The following SCARA3 variants were observed in gnomAD, a reference collection of about 807,000 sequenced individuals.
The protein encoded by SCARA3 is cellular stress response gene protein.
SCARA3 carries 39 observed loss-of-function variants against 47.0 expected under a neutral mutation model. The observed-to-expected ratio is 0.83, with a 90% CI of 0.64 to 1.08. The LOEUF is 1.08. Among genes scored for constraint, SCARA3 ranks in the 50% least tolerant of loss-of-function variants. SCARA3 has a pLI of 0.00. For synonymous variants in SCARA3, 356 were observed against 334.1 expected, an observed-to-expected ratio of 1.07 and a Z score of -0.71; for missense variants, 724 against 792.3, an observed-to-expected ratio of 0.91 and a Z score of 1.04.
intron 5 of SCARA3, among the ~76,000 whole-genome samples, chr8:27,666,686 T>C (rs1320475885): frequency 6.6e-6 from 1 of 152,198 alleles, no homozygotes; most frequent in Non-Finnish European, 1.5e-5. Flanking sequence ...TGTTTTATTT[T>C]CTTCTGTCCT....
At chr8:27,667,546 T>C (rs1309483598) in intron 5 of SCARA3, among the ~76,000 whole-genome samples, 5 of 152,210 alleles carry the variant, frequency 3.3e-5, no homozygotes, top group African/African-American at 1.2e-4. Context: ...CTCTCGGGTC[T>C]GGATTGGAAT....
intron 5 of SCARA3, among the ~76,000 whole-genome samples, chr8:27,665,571 T>A (rs1269183579): frequency 8.5e-5 from 13 of 152,232 alleles, no homozygotes; most frequent in Admixed American, 8.5e-4. Context: ...AGGGTCTCAC[T>A]TTGTTGCCCA....
At chr8:27,651,659 A>AG in intron 3 of SCARA3, 32 bp downstream of exon 3, 1 of 1,610,622 alleles carries the variant, frequency 6.2e-7, no homozygotes, top group Non-Finnish European at 8.5e-7. Context: ...CCCGGGCTGC[A>AG]GGGGGGTGTC....
the SCARA3 span, among the ~76,000 whole-genome samples, chr8:27,690,622 A>T: frequency 6.6e-6 from 1 of 152,248 alleles, no homozygotes; most frequent in Non-Finnish European, 1.5e-5. Flanking sequence ...AAATACATTT[A>T]AAAAGTTAAA....
At chr8:27,638,824 C>A (rs1330729283) in intron 1 of SCARA3, among the ~76,000 whole-genome samples, 26 of 152,196 alleles carry the variant, frequency 1.7e-4, no homozygotes, top group Non-Finnish European at 2.8e-4. Context: ...TAAGGGAGTT[C>A]CCAGCGAGAG....
Position 27,634,159 on chromosome 8 carries a change from C to G in SCARA3, c.-42C>G. 1 of 1,450,636 alleles carries G rather than the reference C, an allele frequency of 6.9e-7. No individual in the cohort carries two copies. The highest frequency in any genetic ancestry group is 9.0e-7 in the Non-Finnish European group (1 of 1,105,954). 89.9% of individuals were successfully genotyped at this position (1,450,636 alleles called of 1,614,324 possible). On this transcript the variant is annotated 5_prime_UTR_variant, in exon 1 of 6. Coordinates refer to ENST00000301904, the MANE Select transcript of SCARA3 (RefSeq NM_016240.3). ...CGCCCGGCTCCACTACAGCTCCAGC[C>G]GCCTGCAGCGGGGCCCTCCTGAGGC...
chr8:27,636,327 C>T lies in SCARA3; in HGVS notation c.7+2120C>T, dbSNP rs375978190. The stretch of plus-strand genomic sequence containing the variant: ...TGGCAGATACCTGTAATTCTAGCTA[C>T]TCCGGAGCCCGAGGAGGGAGGATCG... On this transcript the variant is annotated intron_variant, in intron 1 of 5. Transcript: ENST00000301904. 5.3e-4 allele frequency among the ~76,000 whole-genome samples: 80 copies of T among 152,196 alleles called. 1 individual carries two copies. Among genetic ancestry groups the T allele is most frequent in the Admixed American group, 4.8e-3 (74 of 15,292 alleles).
At chr8:27,699,121 G>A in the SCARA3 span, among the ~76,000 whole-genome samples, 1 of 151,814 alleles carries the variant, frequency 6.6e-6, no homozygotes, top group South Asian at 2.1e-4. Flanking sequence ...GCGGGCGCCT[G>A]TAGTCCCAGC....
chr8:27,659,141 A>C lies in SCARA3; in HGVS notation c.971A>C (p.Asn324Thr). 1 of 1,614,100 alleles carries C rather than the reference A, an allele frequency of 6.2e-7. No individual in the cohort carries two copies. Among genetic ancestry groups the C allele is most frequent in the Non-Finnish European group, 8.5e-7 (1 of 1,180,006 alleles). The change falls in exon 5 of 6, where the codon AAC becomes ACC. Residue 324 changes from asparagine (N) to threonine (T), a missense_variant. Coordinates refer to ENST00000301904, the MANE Select transcript of SCARA3 (RefSeq NM_016240.3). ...TCCTTCCTGGATGACCACGAAGAGA[A>C]CATGCATGATCTTCAGTACCATACC... ...ISSFLDDHEE[N>T]MHDLQYHTHY...
At chr8:27,715,292 C>A in the SCARA3 span, among the ~76,000 whole-genome samples, 146,560 of 152,068 alleles carry the variant, frequency 0.96, 70,754 homozygotes, top group Middle Eastern at 1. This position sits in a 1 kb window ranked among gnomAD's most constrained non-coding sequence, Gnocchi z 4.2. Context: ...TTCATCTTTA[C>A]ATTAATCTGG....
intron 3 of SCARA3, among the ~76,000 whole-genome samples, chr8:27,655,691 A>G (rs1478058997): frequency 6.6e-6 from 1 of 152,192 alleles, no homozygotes; most frequent in Non-Finnish European, 1.5e-5. Flanking sequence ...AGCATTACTT[A>G]TATTTATATA....
At chr8:27,691,502 G>C in the SCARA3 span, among the ~76,000 whole-genome samples, 1 of 151,986 alleles carries the variant, frequency 6.6e-6, no homozygotes, top group Admixed American at 6.5e-5. Flanking sequence ...TATAGTTCAC[G>C]TTGGCAGCCC....
At chr8:27,664,483 C>A (rs1487082153) in intron 5 of SCARA3, among the ~76,000 whole-genome samples, 1 of 152,166 alleles carries the variant, frequency 6.6e-6, no homozygotes, top group Admixed American at 6.5e-5. Context: ...ATCCTGACCC[C>A]TCTCCAATGC....
the SCARA3 span, among the ~76,000 whole-genome samples, chr8:27,731,757 T>C: frequency 1.3e-5 from 2 of 152,146 alleles, no homozygotes; most frequent in South Asian, 4.1e-4. Context: ...TTTTGAAATG[T>C]TATGTAAGCC....
chr8:27,730,514 C>T, the SCARA3 span, among the ~76,000 whole-genome samples: 1 of 143,062 alleles, frequency 7.0e-6, no homozygotes, highest in East Asian at 2.0e-4. Context: ...TTAATCGGGT[C>T]TCACTCAGGC....
At chr8:27,694,682 C>A in the SCARA3 span, among the ~76,000 whole-genome samples, 1 of 152,086 alleles carries the variant, frequency 6.6e-6, no homozygotes, top group Non-Finnish European at 1.5e-5. Context: ...AGCTTACCTC[C>A]ATGATAATTT....
intron 1 of SCARA3, among the ~76,000 whole-genome samples, chr8:27,636,409 C>T (rs34129184): frequency 0.024 from 3,606 of 152,200 alleles, 49 homozygotes; most frequent in Middle Eastern, 0.037. Context: ...GCATTCCAGC[C>T]TGGGCAACAG....
intron 1 of SCARA3, among the ~76,000 whole-genome samples, chr8:27,648,481 G>C (rs1319720125): frequency 6.6e-6 from 1 of 152,110 alleles, no homozygotes; most frequent in African/African-American, 2.4e-5. Context: ...GCGGGCACCT[G>C]TAGTCCCAGC....
At chr8:27,660,697 AG>A (rs59004546) in intron 5 of SCARA3, among the ~76,000 whole-genome samples, 44,722 of 134,258 alleles carry the variant, frequency 0.33, 8,035 homozygotes, top group South Asian at 0.49. Flanking sequence ...GATAGATGAT[AG>A]ATAGATAGAT....
Sources: allele counts gnomAD v4.1 joint callset (sites outside exome capture counted in the v4.1 genomes callset), GRCh38; gene constraint gnomAD v4.1.1; non-coding constraint Gnocchi (gnomAD v3.1); transcripts MANE v1.5; gene names NCBI Gene and HGNC (gene_info 2026-07-23, HGNC 2026-07-21).